SCML2: variants seen among roughly 807,000 people sequenced by gnomAD.
The protein encoded by SCML2 is sex comb on midleg-like protein 2.
A neutral mutation model predicts 48.4 loss-of-function variants in SCML2; 6 were observed. That is an observed-to-expected ratio of 0.12 (90% CI 0.07 to 0.24). SCML2 has a LOEUF of 0.24. SCML2 is among the 10% of genes least tolerant of loss of function. The pLI, the probability that SCML2 is intolerant of heterozygous loss-of-function variation, is 1.00. For missense variants in SCML2, 377 were observed against 528.2 expected, an observed-to-expected ratio of 0.71 and a Z score of 2.81; for synonymous variants, 181 against 189.5, an observed-to-expected ratio of 0.95 and a Z score of 0.37.
At chrX:18,298,620 G>T (rs767041066) in intron 7 of SCML2, among the ~76,000 whole-genome samples, 1 of 111,524 alleles carries the variant, frequency 9.0e-6, no homozygotes, top group Non-Finnish European at 1.9e-5. Flanking sequence ...ACTTTGGGAG[G>T]CCAAGGCAGG....
intron 6 of SCML2, among the ~76,000 whole-genome samples, chrX:18,309,080 A>T (rs1377482696): frequency 1.8e-5 from 2 of 108,908 alleles, no homozygotes; most frequent in African/African-American, 6.7e-5. Context: ...CATGGTGGCT[A>T]GTCCCAGCTA....
intron 1 of SCML2, among the ~76,000 whole-genome samples, chrX:18,345,920 T>C (rs1930184847): frequency 9.6e-6 from 1 of 104,432 alleles, no homozygotes; most frequent in Non-Finnish European, 2.0e-5. Context: ...GCTCAGCAAC[T>C]AATTTTTTTT....
At chrX:18,257,090 T>A in intron 10 of SCML2, 60 bp from the exon 11 acceptor site, 2 of 788,756 alleles carry the variant, frequency 2.5e-6, no homozygotes, top group African/African-American at 2.1e-5. Flanking sequence ...ACAACACTAA[T>A]TAAAAAAAAA....
chrX:18,269,353 G>C (rs192604196), intron 7 of SCML2, among the ~76,000 whole-genome samples: 257 of 111,111 alleles, frequency 2.3e-3, no homozygotes, highest in African/African-American at 8.1e-3. Context: ...GTTTTATAAG[G>C]GGCTCTTCCC....
chrX:18,260,607 T>C (rs1188200218), intron 8 of SCML2, among the ~76,000 whole-genome samples: 3 of 109,702 alleles, frequency 2.7e-5, no homozygotes, highest in Non-Finnish European at 5.6e-5. Context: ...TGAGGTTCCC[T>C]GTAAGACAAG....
chrX:18,254,999 A>G (rs1220840976), intron 11 of SCML2, among the ~76,000 whole-genome samples: 1 of 111,358 alleles, frequency 9.0e-6, no homozygotes, highest in Non-Finnish European at 1.9e-5. Flanking sequence ...TCTTAGAAAC[A>G]GAAAACCTAT....
At chrX:18,335,146 G>A (rs755068737) in intron 1 of SCML2, among the ~76,000 whole-genome samples, 1 of 110,806 alleles carries the variant, frequency 9.0e-6, no homozygotes, top group East Asian at 2.8e-4. Context: ...CTGTAATCCA[G>A]GTAGTAAGTG....
At chrX:18,347,170 T>A (rs953312474) in intron 1 of SCML2, among the ~76,000 whole-genome samples, 12 of 111,652 alleles carry the variant, frequency 1.1e-4, no homozygotes, top group African/African-American at 3.6e-4. Flanking sequence ...ACAAGCCGGG[T>A]GCGGTGGCTC....
intron 11 of SCML2, among the ~76,000 whole-genome samples, chrX:18,250,535 C>T (rs964201981): frequency 4.7e-4 from 52 of 109,889 alleles, no homozygotes; most frequent in African/African-American, 1.7e-3. Context: ...GCACCCGCCA[C>T]CACACCTGGC....
At position 18,320,320 on chromosome X, in the gene SCML2, C is replaced by A; in HGVS notation, c.486+12G>T. Reference sequence around the variant, plus strand: ...ATAAAAACATGGCAGCTTTTTATAACATCTTTCTTACCTTCTTAAATAATG... The same window carrying A: ...ATAAAAACATGGCAGCTTTTTATAAAATCTTTCTTACCTTCTTAAATAATG... On this transcript the variant is annotated intron_variant, in intron 6 of 14. Transcript: ENST00000251900. The A allele has an allele frequency of 9.4e-7, 1 of 1,059,235 alleles. No individual in the cohort carries two copies. Among genetic ancestry groups the A allele is most frequent in the Non-Finnish European group, 1.3e-6 (1 of 781,979 alleles). The allele number at this position is 1,059,235 out of a possible 1,213,427, so 87.3% of individuals were successfully genotyped here. A position where few individuals can be genotyped will look rare whatever the true frequency, so the allele number is the denominator to read the frequency against.
chrX:18,301,556 G>A (rs1160728900), intron 7 of SCML2, among the ~76,000 whole-genome samples: 1 of 111,826 alleles, frequency 8.9e-6, no homozygotes, highest in East Asian at 2.8e-4. Flanking sequence ...AGAATCACTT[G>A]AGTCCAATAG....
chrX:18,260,587 C>A (rs1410736259), intron 8 of SCML2, among the ~76,000 whole-genome samples: 1 of 109,104 alleles, frequency 9.2e-6, no homozygotes, highest in Non-Finnish European at 1.9e-5. Flanking sequence ...ATAAAACATA[C>A]TTTATTTTTT....
rs770888184 is a variant in SCML2 at position 18,337,305 on chromosome X, C to CAA, written c.-24-3212_-24-3211dup. 7.9e-4 allele frequency among the ~76,000 whole-genome samples: 4 copies of CAA among 5,055 alleles called. 1 individual carries two copies. Among genetic ancestry groups the CAA allele is most frequent in the African/African-American group, 1.2e-3 (2 of 1,711 alleles). 4.4% of individuals were successfully genotyped at this position (5,055 alleles called of 115,157 possible). On this transcript the variant is annotated intron_variant, in intron 1 of 14. Transcript: ENST00000251900. ...TGGGCGACAGAGCAAGACTCTGTCT[C>CAA]AAAAAAAAAAAAAAAAAAAAAAAAA... is the stretch of plus-strand genomic sequence containing the variant.
chrX:18,253,213 T>C (rs1332509040), intron 11 of SCML2, among the ~76,000 whole-genome samples: 1 of 111,803 alleles, frequency 8.9e-6, no homozygotes, highest in Admixed American at 9.5e-5. Context: ...AATCAGGAGA[T>C]AGACTGAGTC....
rs185178337 is a variant in SCML2, at chrX:18,331,770, T to C, written c.23-1115A>G. On this transcript the variant is annotated intron_variant, in intron 2 of 14. Coordinates refer to ENST00000251900, the MANE Select transcript of SCML2 (RefSeq NM_006089.3). ...CCTCCTTTCTTCTCGTTTTTATTCTTCCCCTTTACAATTTTTTTGCTGACA... is the reference window on the plus strand; with the variant it reads ...CCTCCTTTCTTCTCGTTTTTATTCTCCCCCTTTACAATTTTTTTGCTGACA... Among the ~76,000 whole-genome samples the C allele has an allele frequency of 4.0e-4, 45 of 111,957 alleles. No homozygotes were observed. The East Asian group carries it at 0.012, about 31-fold the overall frequency.
rs1207784638 is a variant in SCML2, at chrX:18,240,561, T to C, written c.*690A>G. Reference sequence around the variant, plus strand: ...AATATCTCCTGCATAAAATGACAATTCTATCCTATAATTTAAAAAATTTAT... The same window carrying C: ...AATATCTCCTGCATAAAATGACAATCCTATCCTATAATTTAAAAAATTTAT... On this transcript the variant is annotated 3_prime_UTR_variant, in exon 15 of 15. Transcript: ENST00000251900. The C allele has an allele frequency of 8.9e-6, 1 of 112,257 alleles. No individual in the cohort carries two copies. Among genetic ancestry groups the C allele is most frequent in the African/African-American group, 3.2e-5 (1 of 30,917 alleles). The allele number at this position is 112,257 out of a possible 1,213,427, so 9.3% of individuals were successfully genotyped here.
chrX:18,257,993 G>A (rs1926920753), intron 10 of SCML2, 51 bp downstream of exon 10: 2 of 727,532 alleles, frequency 2.7e-6, no homozygotes, highest in Admixed American at 2.8e-5. Flanking sequence ...AAGGGAAGGG[G>A]GAAGGGAAGG....
intron 7 of SCML2, among the ~76,000 whole-genome samples, chrX:18,275,177 T>C (rs958059613): frequency 8.9e-6 from 1 of 112,465 alleles, no homozygotes; most frequent in African/African-American, 3.2e-5. Flanking sequence ...TGGGCACATG[T>C]TCTCAGGATC....
At chrX:18,349,733 G>A (rs910265586) in intron 1 of SCML2, among the ~76,000 whole-genome samples, 1 of 111,489 alleles carries the variant, frequency 9.0e-6, no homozygotes, top group African/African-American at 3.3e-5. Flanking sequence ...GGAGGTGGGG[G>A]TTGCAGTGAG....
Sources: allele counts gnomAD v4.1 joint callset (sites outside exome capture counted in the v4.1 genomes callset), GRCh38; gene constraint gnomAD v4.1.1; transcripts MANE v1.5; gene names NCBI Gene and HGNC (gene_info 2026-07-23, HGNC 2026-07-21).